AP2A2: variants seen among roughly 807,000 people sequenced by gnomAD.
The protein encoded by AP2A2 is AP-2 complex subunit alpha-2.
Under a neutral mutation model 104.2 loss-of-function variants are expected in AP2A2, and 32 were observed. The observed-to-expected ratio is 0.31, with a 90% CI of 0.23 to 0.41. The LOEUF (loss-of-function observed/expected upper bound fraction) is 0.41. Among genes scored for constraint, AP2A2 ranks in the 10% least tolerant of loss-of-function variants. AP2A2 has a pLI of 1.00. For synonymous variants in AP2A2, 539 were observed against 533.3 expected, an observed-to-expected ratio of 1.01 and a Z score of -0.15; for missense variants, 912 against 1,261.0, an observed-to-expected ratio of 0.72 and a Z score of 4.19.
chr11:993,444 C>T lies in AP2A2; in HGVS notation c.1550+63C>T, dbSNP rs1590004969. The T allele has an allele frequency of 5.6e-6, 7 of 1,255,734 alleles. No individual in the cohort carries two copies. The highest frequency in any genetic ancestry group is 1.8e-5 in the African/African-American group (1 of 56,298). The allele number at this position is 1,255,734 out of a possible 1,614,324, so 77.8% of individuals were successfully genotyped here. A position where few individuals can be genotyped will look rare whatever the true frequency, so the allele number is the denominator to read the frequency against. On this transcript the variant is annotated intron_variant, in intron 12 of 21. Transcript: ENST00000448903. The surrounding 1 kb of genome is among the most constrained non-coding windows in gnomAD (Gnocchi z 8.2). Reference sequence around the variant, plus strand: ...CGGCGGGCCTCTCGGTGGTCGGTGGCAAGAGGCGAGGCACCAGCTGGCCCT... The same window carrying T: ...CGGCGGGCCTCTCGGTGGTCGGTGGTAAGAGGCGAGGCACCAGCTGGCCCT...
At chr11:1,010,068 A>G (rs989159941) in intron 21 of AP2A2, 1 of 524,114 alleles carries the variant, frequency 1.9e-6, no homozygotes, top group East Asian at 3.1e-5. Context: ...CTGTCAATAC[A>G]TGGTTGCATC....
rs79165731 is a variant in AP2A2, at chr11:969,536, C to G, written c.137-633C>G. Among the ~76,000 whole-genome samples, 50 of 152,130 alleles carry G rather than the reference C, an allele frequency of 3.3e-4. 1 individual carries two copies. In the East Asian group the frequency reaches 9.3e-3, roughly 28 times the overall value. On this transcript the variant is annotated intron_variant, in intron 2 of 21. Transcript: ENST00000448903. ...CCACCGTGCCGGGCCCAGAATGGCC[C>G]TTTTTTTAAGGGTTGGTTTTATATT...
In AP2A2 at chr11:977,108, A is replaced by G. The variant is rs1260430755; in HGVS notation, c.487A>G (p.Ser163Gly). The change falls in exon 5 of 22, where the codon AGC becomes GGC. Residue 163 changes from serine (S) to glycine (G), a missense_variant. Around this residue, in one of 7 missense-constraint regions of AP2A2, gnomAD observed 350 missense variants for 487.0 expected, o/e 0.72. Transcript: ENST00000448903. ...KVLVAGDTMD[S>G]VKQSAALCLL... ...TCTGTCTTTCAGAGACACTATGGAC[A>G]GCGTGAAGCAGAGCGCGGCCCTGTG... 6 of 1,613,638 alleles carry G rather than the reference A, an allele frequency of 3.7e-6. No individual in the cohort carries two copies. Among genetic ancestry groups the G allele is most frequent in the Non-Finnish European group, 5.1e-6 (6 of 1,179,838 alleles).
intron 2 of AP2A2, among the ~76,000 whole-genome samples, chr11:961,083 A>G (rs1489295279): frequency 2.0e-5 from 3 of 152,300 alleles, no homozygotes; most frequent in Non-Finnish European, 2.9e-5. Flanking sequence ...TGAAAAGTAA[A>G]GGGCAGAAGC....
intron 1 of AP2A2, among the ~76,000 whole-genome samples, chr11:952,555 G>T (rs1854087993): frequency 6.6e-6 from 1 of 152,206 alleles, no homozygotes; most frequent in South Asian, 2.1e-4. Flanking sequence ...TTCACTGCGA[G>T]AATTCCCTGA....
chr11:987,336 A>G (rs1855495838), intron 9 of AP2A2, among the ~76,000 whole-genome samples: 1 of 152,034 alleles, frequency 6.6e-6, no homozygotes, highest in African/African-American at 2.4e-5. Flanking sequence ...AAGGAAACTC[A>G]CTTTGTTCGG....
chr11:969,677 C>T (rs1331724771), intron 2 of AP2A2, among the ~76,000 whole-genome samples: 2 of 152,278 alleles, frequency 1.3e-5, no homozygotes, highest in Admixed American at 6.5e-5. Flanking sequence ...GGGGCCGTCG[C>T]GTGTGGGCCT....
chr11:936,939 G>A (rs765271381), intron 1 of AP2A2, among the ~76,000 whole-genome samples: 1 of 152,150 alleles, frequency 6.6e-6, no homozygotes, highest in Non-Finnish European at 1.5e-5. Context: ...TGCTGGGCCT[G>A]TGCTGCGGCA....
chr11:988,881 G>C (rs972895885), intron 10 of AP2A2, 192 bp downstream of exon 10: 1 of 731,138 alleles, frequency 1.4e-6, no homozygotes, highest in Non-Finnish European at 2.2e-6. Flanking sequence ...TGTGGTCCCC[G>C]CTACTCCTGA....
chr11:943,756 G>A (rs1853734308), intron 1 of AP2A2, among the ~76,000 whole-genome samples: 1 of 150,696 alleles, frequency 6.6e-6, no homozygotes, highest in South Asian at 2.1e-4. Flanking sequence ...GATGCAGGTG[G>A]CAGCGGAGAT....
At position 1,009,108 on chromosome 11, in the gene AP2A2, G is replaced by A. The variant is rs896267916; in HGVS notation, c.2429G>A (p.Gly810Asp). The A allele has an allele frequency of 1.2e-6, 2 of 1,611,882 alleles. No homozygotes were observed. The highest frequency in any genetic ancestry group is 1.7e-6 in the Non-Finnish European group (2 of 1,179,280). The change falls in exon 19 of 22, where the codon GGC becomes GAC. Residue 810 changes from glycine to aspartate, a missense_variant. By Grantham distance (94) the Gly-to-Asp change is moderately conservative. Coordinates refer to ENST00000448903, the MANE Select transcript of AP2A2 (RefSeq NM_012305.4). The stretch of plus-strand genomic sequence containing the variant: ...GCTGCTGCTGCTGGCAGGTATGGGG[G>A]CACCTTCCAGAACGTGTCTGTGCAG... Reference protein sequence around the residue: ...PVLNIQFRYGGTFQNVSVQLP... With the variant: ...PVLNIQFRYGDTFQNVSVQLP...
chr11:953,238 C>T (rs1213474466), intron 1 of AP2A2, among the ~76,000 whole-genome samples: 1 of 151,034 alleles, frequency 6.6e-6, no homozygotes, highest in African/African-American at 2.4e-5. Context: ...GATCTCGGCT[C>T]ACTGCAACCT....
At chr11:983,027 T>C (rs1422395184) in intron 6 of AP2A2, among the ~76,000 whole-genome samples, 2 of 145,222 alleles carry the variant, frequency 1.4e-5, no homozygotes, top group Admixed American at 6.9e-5. Flanking sequence ...CTTTTTTTTT[T>C]TTTTTTTTTT....
chr11:948,924 G>C, intron 1 of AP2A2, among the ~76,000 whole-genome samples: 1 of 152,080 alleles, frequency 6.6e-6, no homozygotes. Flanking sequence ...CTCTGGGCCA[G>C]GTGGCTTCTC....
At chr11:998,935 G>GC (rs1483103372) in intron 14 of AP2A2, among the ~76,000 whole-genome samples, 1 of 152,086 alleles carries the variant, frequency 6.6e-6, no homozygotes, top group African/African-American at 2.4e-5. Flanking sequence ...CTTGGGATCT[G>GC]CCCCCCTCGG....
intron 10 of AP2A2, 197 bp downstream of exon 10, chr11:988,886 T>G: frequency 1.4e-6 from 1 of 698,916 alleles, no homozygotes; most frequent in Non-Finnish European, 2.3e-6. Context: ...TCCCCGCTAC[T>G]CCTGAGGTGG....
intron 14 of AP2A2, 51 bp downstream of exon 14, chr11:994,296 A>G (rs1315784117): frequency 1.3e-6 from 2 of 1,597,206 alleles, no homozygotes; most frequent in Non-Finnish European, 1.7e-6. Context: ...CTCACCCCCA[A>G]GACTTGGGAC....
chr11:993,279 C>T lies in AP2A2; in HGVS notation c.1453-5C>T, dbSNP rs143728807. On this transcript the variant is annotated splice_polypyrimidine_tract_variant and splice_region_variant and intron_variant, in intron 11 of 21. Coordinates refer to ENST00000448903, the MANE Select transcript of AP2A2 (RefSeq NM_012305.4). This position sits in a 1 kb window ranked among gnomAD's most constrained non-coding sequence, Gnocchi z 8.2. ...CCACCCCGGCTCATTGTTTGTGCTT[C>T]GCAGGCTCTTCAGGCTCCCGCGTGC... 8.8e-5 allele frequency: 141 copies of T among 1,603,318 alleles called. No homozygotes were observed. The highest frequency in any genetic ancestry group is 1.2e-4 in the Admixed American group (7 of 56,768).
At chr11:971,451 C>T (rs1295029279) in intron 3 of AP2A2, among the ~76,000 whole-genome samples, 1 of 152,242 alleles carries the variant, frequency 6.6e-6, no homozygotes, top group East Asian at 1.9e-4. Flanking sequence ...AGGCTGGGTA[C>T]ATCTTTAACC....
Sources: gnomAD v4.1 joint callset for allele counts (sites outside exome capture counted in the v4.1 genomes callset) on GRCh38, gnomAD v4.1.1 for gene constraint, gnomAD v4.1.1 regional missense constraint, Gnocchi (gnomAD v3.1) non-coding constraint, MANE v1.5 for transcripts, NCBI Gene and HGNC (gene_info 2026-07-23, HGNC 2026-07-21) for gene names.